The following CIDEC variants were observed in gnomAD, a reference collection of about 807,000 sequenced individuals.
The protein encoded by CIDEC is lipid transferase CIDEC.
CIDEC carries 11 observed loss-of-function variants against 21.9 expected under a neutral mutation model. That is an observed-to-expected ratio of 0.50 (90% CI 0.32 to 0.83). CIDEC has a LOEUF of 0.83. Among genes scored for constraint, CIDEC ranks in the 40% least tolerant of loss-of-function variants. The pLI is 0.04. For synonymous variants in CIDEC, 127 were observed against 124.9 expected (o/e 1.02, Z -0.11); for missense variants, 302 against 302.3 (o/e 1.00, Z 0.01).
chr3:9,877,202 G>A lies in CIDEC; in HGVS notation c.71C>T (p.Thr24Ile). ...CAGCAGCTGCTGGGTCACCACAGAG[G>A]TACGCACTGACACATGCCTGGGGCA... Reference protein sequence around the residue: ...KSLSRHVSVRTSVVTQQLLSE... With the variant: ...KSLSRHVSVRISVVTQQLLSE... Residue 24 changes from threonine (T) to isoleucine (I), a missense_variant, in exon 4 of 7, where the codon ACC becomes ATC. Thr to Ile is a moderately conservative substitution (Grantham distance 89, BLOSUM62 -1). Coordinates refer to ENST00000336832, the MANE Select transcript of CIDEC (RefSeq NM_001321142.2). 2 of 1,550,450 alleles carry A rather than the reference G, an allele frequency of 1.3e-6. No homozygotes were observed. Among genetic ancestry groups the A allele is most frequent in the South Asian group, 2.4e-5 (2 of 84,000 alleles).
In CIDEC at chr3:9,870,134, C is replaced by T. The variant is rs765650753; in HGVS notation, c.366+30G>A. 5.6e-6 allele frequency: 9 copies of T among 1,613,924 alleles called. No individual in the cohort carries two copies. The Admixed American group carries it at 1.3e-4, about 24-fold the overall frequency. ...CATCTCCCAGAGTCCCGATTTTCTC[C>T]CCCATCAGGTGCAACAGGTGGGACC... On this transcript the variant is annotated intron_variant, in intron 5 of 6. Coordinates refer to ENST00000336832, the MANE Select transcript of CIDEC (RefSeq NM_001321142.2).
At chr3:9,877,031 C>A (rs768086965) in intron 4 of CIDEC, 35 bp downstream of exon 4, 2 of 1,526,446 alleles carry the variant, frequency 1.3e-6, no homozygotes, top group South Asian at 1.2e-5. Flanking sequence ...AATCCCAGCT[C>A]ACAGCTGGGC....
rs2082278903 is a variant in CIDEC at position 9,867,036 on chromosome 3, T to C, written c.*98A>G. ...CGCGGTGAGGGAGGTGTGGGGAGGT[T>C]CGCGGCTCTACAGCTGCCAGGCTTG... On this transcript the variant is annotated 3_prime_UTR_variant, in exon 7 of 7. Transcript: ENST00000336832. 4.4e-6 allele frequency: 6 copies of C among 1,362,638 alleles called. No homozygotes were observed. The highest frequency in any genetic ancestry group is 6.3e-6 in the Non-Finnish European group (6 of 952,826). 84.4% of individuals were successfully genotyped at this position (1,362,638 alleles called of 1,614,324 possible).
intron 6 of CIDEC, among the ~76,000 whole-genome samples, chr3:9,869,420 T>G (rs2082314754): frequency 6.6e-6 from 1 of 151,964 alleles, no homozygotes; most frequent in Non-Finnish European, 1.5e-5. Context: ...CCAGCTAGTT[T>G]TCATATTTTT....
intron 4 of CIDEC, among the ~76,000 whole-genome samples, chr3:9,872,902 T>C (rs1559250374): frequency 6.6e-6 from 1 of 152,092 alleles, no homozygotes; most frequent in Non-Finnish European, 1.5e-5. Context: ...GGCATGAGAA[T>C]TGCTTGAGCC....
At position 9,878,517 on chromosome 3, in the gene CIDEC, A is replaced by G. The variant is rs1245372668; in HGVS notation, c.-25-6T>C. 6.2e-7 allele frequency: 1 copy of G among 1,612,484 alleles called. No individual in the cohort carries two copies. Among genetic ancestry groups the G allele is most frequent in the Admixed American group, 1.7e-5 (1 of 59,984 alleles). On this transcript the variant is annotated splice_polypyrimidine_tract_variant and splice_region_variant and intron_variant, in intron 2 of 6. Transcript: ENST00000336832. ...TCAGCTGGACTGCGTTGGACCTGGG[A>G]AGGAGGCAGAAACAATTCATCAGGG... is the stretch of plus-strand genomic sequence containing the variant.
In CIDEC at chr3:9,870,230, G is replaced by A. The variant is rs770372998; in HGVS notation, c.300C>T (p.Ala100=). 2.5e-6 allele frequency: 4 copies of A among 1,614,116 alleles called. No individual in the cohort carries two copies. The Admixed American group carries it at 6.7e-5, about 27-fold the overall frequency. Residue 100 remains alanine (A), a synonymous_variant, in exon 5 of 7, where the codon GCC becomes GCT. Transcript: ENST00000336832. ...TTVETEEYFQ[A]LAGDTVFMVL... is the part of the protein sequence containing the mutation. ...CCATGAACACTGTATCCCCTGCCAG[G>A]GCTTGGAAGTACTCTTCTGTCTCTA... is the stretch of plus-strand genomic sequence containing the variant.
At chr3:9,867,457 T>C (rs2082288211) in intron 6 of CIDEC, among the ~76,000 whole-genome samples, 161 bp from the exon 7 acceptor site, 1 of 151,816 alleles carries the variant, frequency 6.6e-6, no homozygotes, top group Non-Finnish European at 1.5e-5. Context: ...CTGTCTCTAC[T>C]AAAAATACAA....
chr3:9,871,943 T>A (rs1288951409), intron 4 of CIDEC, among the ~76,000 whole-genome samples: 4 of 152,052 alleles, frequency 2.6e-5, no homozygotes, highest in Non-Finnish European at 4.4e-5. Context: ...AAATCTTTTT[T>A]TCGTTTGTTT....
chr3:9,867,785 C>G (rs2082293188), intron 6 of CIDEC, among the ~76,000 whole-genome samples: 1 of 152,058 alleles, frequency 6.6e-6, no homozygotes. Context: ...AAAAAATTAG[C>G]CGGGCGTGGT....
chr3:9,872,688 T>C (rs2082364644), intron 4 of CIDEC, among the ~76,000 whole-genome samples: 1 of 152,128 alleles, frequency 6.6e-6, no homozygotes, highest in Non-Finnish European at 1.5e-5. Flanking sequence ...TAGTGTCCCT[T>C]GATATACAAA....
intron 4 of CIDEC, 179 bp from the exon 5 acceptor site, chr3:9,870,501 T>C (rs965147265): frequency 2.0e-6 from 3 of 1,506,376 alleles, no homozygotes; most frequent in South Asian, 2.4e-5. Flanking sequence ...CAATAAAATA[T>C]AATGTAAGTC....
intron 1 of CIDEC, among the ~76,000 whole-genome samples, 199 bp downstream of exon 1, chr3:9,880,025 G>A (rs1422148852): frequency 1.3e-5 from 2 of 151,970 alleles, no homozygotes; most frequent in African/African-American, 4.8e-5. Flanking sequence ...GCCCCACAGA[G>A]GCAGAAAGCC....
intron 3 of CIDEC, chr3:9,878,225 A>T (rs2082454454): frequency 3.3e-6 from 2 of 599,948 alleles, no homozygotes; most frequent in Non-Finnish European, 6.0e-6. Flanking sequence ...CTTTTTATGC[A>T]TGGTGTGGTG....
At chr3:9,879,346 A>G (rs183747257) in intron 1 of CIDEC, among the ~76,000 whole-genome samples, 43 of 151,882 alleles carry the variant, frequency 2.8e-4, no homozygotes, top group Admixed American at 5.9e-4. Context: ...TTTTGTTTGG[A>G]TTTTTAGTAG....
At position 9,878,444 on chromosome 3, in the gene CIDEC, A is replaced by T. The variant is rs78314436; in HGVS notation, c.43T>A (p.Ser15Thr). ...MKSLSLLYPKSLSRHVSVRTS... is the reference protein window; with the variant it reads ...MKSLSLLYPKTLSRHVSVRTS... ...CATGACTTTCCTCACCTGGAGAGGG[A>T]CTTGGGGTAGAGAAGGCTAAGGGAC... Residue 15 changes from serine (S) to threonine (T), a missense_variant, in exon 3 of 7, where the codon TCC becomes ACC. Ser to Thr is a moderately conservative substitution (Grantham distance 58). Transcript: ENST00000336832. The T allele has an allele frequency of 2.6e-4, 427 of 1,612,798 alleles. 3 individuals are homozygous for T. The African/African-American group carries it at 4.8e-3, about 18-fold the overall frequency.
Position 9,878,259 on chromosome 3 carries a change from A to C in CIDEC, c.53+175T>G. ...TGGTGGTGTAAGCAGCAGCATTAAT[A>C]TCACCCAGGGACTTCTTGGCAGTGC... is the stretch of plus-strand genomic sequence containing the variant. On this transcript the variant is annotated intron_variant, in intron 3 of 6. Coordinates refer to ENST00000336832, the MANE Select transcript of CIDEC (RefSeq NM_001321142.2). 4.5e-6 allele frequency: 3 copies of C among 665,374 alleles called. No homozygotes were observed. In the South Asian group the frequency reaches 5.1e-5, roughly 11 times the overall value. The allele number at this position is 665,374 out of a possible 1,614,324, so 41.2% of individuals were successfully genotyped here.
chr3:9,870,177 G>C lies in CIDEC; in HGVS notation c.353C>G (p.Pro118Arg), dbSNP rs1422052815. 2 of 1,613,702 alleles carry C rather than the reference G, an allele frequency of 1.2e-6. No individual in the cohort carries two copies. Among genetic ancestry groups the C allele is most frequent in the African/African-American group, 2.7e-5 (2 of 74,912 alleles). Residue 118 changes from proline (P) to arginine (R), a missense_variant, in exon 5 of 7, where the codon CCC (proline) becomes CGC (arginine). By Grantham distance (103) the Pro-to-Arg change is moderately radical. Coordinates refer to ENST00000336832, the MANE Select transcript of CIDEC (RefSeq NM_001321142.2). ...GTGGGACCTCACCTGTTCTGATGGG[G>C]GCTGCCATTTCTGCCCCTTCTGGAG... ...MVLQKGQKWQ[P>R]PSEQGTRHPL...
At chr3:9,869,690 C>G (rs1575447231) in intron 6 of CIDEC, among the ~76,000 whole-genome samples, 192 bp downstream of exon 6, 1 of 152,240 alleles carries the variant, frequency 6.6e-6, no homozygotes, top group Non-Finnish European at 1.5e-5. Context: ...AACACGTGCA[C>G]CCCTGGGCAC....
Sources: gnomAD v4.1 joint callset for allele counts (sites outside exome capture counted in the v4.1 genomes callset) on GRCh38, gnomAD v4.1.1 for gene constraint, MANE v1.5 for transcripts, NCBI Gene and HGNC (gene_info 2026-07-23, HGNC 2026-07-21) for gene names.